The following UGT2A1 variants were observed in gnomAD, a reference collection of about 807,000 sequenced individuals.
The protein encoded by UGT2A1 is UDP-glucuronosyltransferase 2A1.
Under a neutral mutation model 45.4 loss-of-function variants are expected in UGT2A1, and 61 were observed. The observed-to-expected ratio is 1.34, with a 90% CI of 1.09 to 1.66. The LOEUF is 1.66. Among genes scored for constraint, UGT2A1 ranks in the 40% most tolerant of loss-of-function variants. UGT2A1 has a pLI of 0.00. For synonymous variants in UGT2A1, 229 were observed against 196.2 expected, an observed-to-expected ratio of 1.17 and a Z score of -1.40; for missense variants, 649 against 574.3, an observed-to-expected ratio of 1.13 and a Z score of -1.33.
intron 2 of UGT2A1, among the ~76,000 whole-genome samples, chr4:69,646,004 A>G (rs1275083373): frequency 6.6e-6 from 1 of 151,876 alleles, no homozygotes; most frequent in Admixed American, 6.6e-5. Context: ...GAAGTTTTTC[A>G]GAATAACTCA....
chr4:69,639,382 A>C, intron 2 of UGT2A1: 1 of 1,613,628 alleles, frequency 6.2e-7, no homozygotes, highest in Non-Finnish European at 8.5e-7. Flanking sequence ...CTCTTCTTGT[A>C]GGAAACAGGT....
rs1364033964 is a variant in UGT2A1, at chr4:69,639,699, TTAAA to T, written c.716-3881_716-3878del. 4.8e-6 allele frequency: 7 copies of T among 1,455,506 alleles called. No homozygotes were observed. The Admixed American group carries it at 1.9e-4, about 40-fold the overall frequency. 90.2% of individuals were successfully genotyped at this position (1,455,506 alleles called of 1,614,324 possible). A position where few individuals can be genotyped will look rare whatever the true frequency, so the allele number is the denominator to read the frequency against. On this transcript the variant is annotated intron_variant, in intron 2 of 6. Transcript: ENST00000286604. ...CTTCAAAGTATATTTAGGTCAATTT[TTAAA>T]TAAAGTAATATTTAGTGCGATGGTT...
At chr4:69,593,714 A>G (rs931364347) in intron 6 of UGT2A1, among the ~76,000 whole-genome samples, 5 of 151,776 alleles carry the variant, frequency 3.3e-5, no homozygotes, top group African/African-American at 1.2e-4. Context: ...CCACTACCCT[A>G]TATCTTTTCT....
At chr4:69,630,464 T>C (rs559174521) in intron 3 of UGT2A1, among the ~76,000 whole-genome samples, 88 of 152,224 alleles carry the variant, frequency 5.8e-4, no homozygotes, top group African/African-American at 2.1e-3. Flanking sequence ...CCATCACTAT[T>C]CCCTCTCCTT....
chr4:69,630,168 T>C (rs1447508624), intron 3 of UGT2A1, among the ~76,000 whole-genome samples: 1 of 152,124 alleles, frequency 6.6e-6, no homozygotes, highest in Non-Finnish European at 1.5e-5. Flanking sequence ...TCCATTCTTG[T>C]AGACATTTGT....
At chr4:69,640,113 A>G (rs138565418) in intron 2 of UGT2A1, among the ~76,000 whole-genome samples, 1 of 151,976 alleles carries the variant, frequency 6.6e-6, no homozygotes, top group East Asian at 1.9e-4. Context: ...AGTTTCTTCC[A>G]TATGACACAG....
intron 3 of UGT2A1, among the ~76,000 whole-genome samples, chr4:69,619,007 G>GA (rs1020594212): frequency 6.6e-6 from 1 of 151,520 alleles, no homozygotes; most frequent in African/African-American, 2.4e-5. Flanking sequence ...ATAATATATG[G>GA]AAAAAAGTTA....
intron 3 of UGT2A1, among the ~76,000 whole-genome samples, chr4:69,634,649 G>A (rs1188114423): frequency 2.0e-5 from 3 of 151,698 alleles, no homozygotes; most frequent in Non-Finnish European, 4.4e-5. Flanking sequence ...CCATATTGGC[G>A]GAACAAAGAG....
intron 2 of UGT2A1, among the ~76,000 whole-genome samples, 180 bp from the exon 3 acceptor site, chr4:69,636,002 G>A (rs1203252366): frequency 6.6e-6 from 1 of 151,908 alleles, no homozygotes; most frequent in African/African-American, 2.4e-5. Context: ...AGCTATTAAA[G>A]GTATTTTTAA....
intron 3 of UGT2A1, among the ~76,000 whole-genome samples, chr4:69,611,044 A>G (rs2109916558): frequency 6.6e-6 from 1 of 152,346 alleles, no homozygotes; most frequent in South Asian, 2.1e-4. Context: ...AAAATTAGAA[A>G]GCAAAACCAT....
chr4:69,619,084 A>G (rs1720588810), intron 3 of UGT2A1, among the ~76,000 whole-genome samples: 1 of 151,968 alleles, frequency 6.6e-6, no homozygotes, highest in Non-Finnish European at 1.5e-5. Flanking sequence ...AAAAAAGTTT[A>G]TCAATATTGA....
intron 1 of UGT2A1, among the ~76,000 whole-genome samples, chr4:69,648,179 A>G (rs1045413272): frequency 2.7e-5 from 4 of 149,806 alleles, no homozygotes; most frequent in African/African-American, 9.7e-5. Flanking sequence ...ATGTATAAAT[A>G]TATTACTATA....
At chr4:69,609,305 C>A (rs553976334) in intron 3 of UGT2A1, among the ~76,000 whole-genome samples, 1 of 152,142 alleles carries the variant, frequency 6.6e-6, no homozygotes, top group African/African-American at 2.4e-5. Flanking sequence ...GTGCACAACA[C>A]CAAACCTAGC....
At chr4:69,633,820 A>G (rs1391046333) in intron 3 of UGT2A1, among the ~76,000 whole-genome samples, 1 of 152,188 alleles carries the variant, frequency 6.6e-6, no homozygotes, top group African/African-American at 2.4e-5. Flanking sequence ...AAGCGGATGA[A>G]AGAGGAGTTA....
rs774792358 is a variant in UGT2A1, at chr4:69,594,575, A to T, written c.1206T>A (p.Ala402=). 1.2e-6 allele frequency: 2 copies of T among 1,614,126 alleles called. No individual in the cohort carries two copies. The highest frequency in any genetic ancestry group is 4.5e-5 in the East Asian group (2 of 44,862). Residue 402 remains alanine, a synonymous_variant, in exon 6 of 7, where the codon GCT becomes GCA. Coordinates refer to ENST00000286604, the MANE Select transcript of UGT2A1 (RefSeq NM_001252275.3). ...PMFADQPDNI[A]HMKAKGAAVE... Reference sequence around the variant, plus strand: ...CAGCTGCTCCTTTGGCCTTCATGTGAGCAATGTTATCAGGCTGATCAGCAA... The same window carrying T: ...CAGCTGCTCCTTTGGCCTTCATGTGTGCAATGTTATCAGGCTGATCAGCAA...
At chr4:69,641,625 G>GC (rs1722053090) in intron 2 of UGT2A1, among the ~76,000 whole-genome samples, 1 of 151,836 alleles carries the variant, frequency 6.6e-6, no homozygotes, top group East Asian at 1.9e-4. Context: ...AAATTTAGAT[G>GC]TACTTTTAGT....
At chr4:69,650,940 ATGACAAGCAGTGCG>A (rs1722496685) in intron 1 of UGT2A1, among the ~76,000 whole-genome samples, 2 of 151,948 alleles carry the variant, frequency 1.3e-5, no homozygotes, top group African/African-American at 4.9e-5. Context: ...CTGGATGTGC[ATGACAAGCAGTGCG>A]CAAAAAGGCA....
At chr4:69,626,059 A>G (rs1338109882) in intron 3 of UGT2A1, among the ~76,000 whole-genome samples, 1 of 151,560 alleles carries the variant, frequency 6.6e-6, no homozygotes, top group Non-Finnish European at 1.5e-5. Flanking sequence ...TCTGTTTAAT[A>G]ATATGCTATT....
chr4:69,627,552 G>A (rs868699940), intron 3 of UGT2A1, among the ~76,000 whole-genome samples: 68 of 146,742 alleles, frequency 4.6e-4, no homozygotes, highest in Admixed American at 1.9e-3. Context: ...GAGAGAAAGA[G>A]AGAGAGAGAG....
Sources: gnomAD v4.1 joint callset for allele counts (sites outside exome capture counted in the v4.1 genomes callset) on GRCh38, gnomAD v4.1.1 for gene constraint, MANE v1.5 for transcripts, NCBI Gene and HGNC (gene_info 2026-07-23, HGNC 2026-07-21) for gene names.